Variants in EDARADD observed in about 807,000 individuals in gnomAD.
EDARADD encodes the protein ectodysplasin-A receptor-associated adapter protein.
Under a neutral mutation model 25.6 loss-of-function variants are expected in EDARADD, and 20 were observed. That is an observed-to-expected ratio of 0.78 (90% CI 0.55 to 1.14). The LOEUF is 1.14. Ranked by LOEUF, EDARADD falls within the 50% of genes most tolerant of loss-of-function variation. The pLI, the probability that EDARADD is intolerant of heterozygous loss-of-function variation, is 0.00. For synonymous variants in EDARADD, 86 were observed against 94.4 expected (o/e 0.91, Z 0.52); for missense variants, 225 against 270.1 (o/e 0.83, Z 1.17).
intron 3 of EDARADD, among the ~76,000 whole-genome samples, chr1:236,384,638 C>T (rs906618083): frequency 6.6e-6 from 1 of 152,136 alleles, no homozygotes; most frequent in South Asian, 2.1e-4. Flanking sequence ...GATCCTCCCA[C>T]CTCAGCCTCC....
intron 1 of EDARADD, among the ~76,000 whole-genome samples, chr1:236,405,815 TCCTTCC>T (rs1667710892): frequency 7.2e-6 from 1 of 138,602 alleles, no homozygotes; most frequent in African/African-American, 3.0e-5. Context: ...TTTCTTTCCT[TCCTTCC>T]TTTCCTTCCT....
intron 4 of EDARADD, among the ~76,000 whole-genome samples, chr1:236,443,488 A>G (rs1468353645): frequency 3.3e-5 from 5 of 152,220 alleles, no homozygotes; most frequent in Admixed American, 6.5e-5. Context: ...GTTGATTCCA[A>G]CGCTCATGGA....
Position 236,398,091 on chromosome 1 carries a change from CA to C in EDARADD, c.61+3590del, listed in dbSNP as rs1667551501. ...TCTTGCCTTCTGGTAACCTATTCTGCAAAAGGTTGCCAGGGCCATCTTTTAT... is the reference window on the plus strand; with the variant it reads ...TCTTGCCTTCTGGTAACCTATTCTGCAAAGGTTGCCAGGGCCATCTTTTAT... On this transcript the variant is annotated intron_variant, in intron 1 of 5. Coordinates refer to ENST00000334232, the MANE Select transcript of EDARADD (RefSeq NM_145861.4). This position sits in a 1 kb window ranked among gnomAD's most constrained non-coding sequence, Gnocchi z 4.1. Among the ~76,000 whole-genome samples the C allele has an allele frequency of 6.6e-6, 1 of 152,126 alleles. No individual in the cohort carries two copies. Among genetic ancestry groups the C allele is most frequent in the Non-Finnish European group, 1.5e-5 (1 of 68,030 alleles).
intron 4 of EDARADD, among the ~76,000 whole-genome samples, chr1:236,437,266 C>T (rs567913010): frequency 4.1e-4 from 62 of 152,110 alleles, no homozygotes; most frequent in African/African-American, 1.4e-3. Flanking sequence ...TTTTTCCCAC[C>T]CCTGGGGCAT....
At chr1:236,434,034 GT>G (rs1045673475) in intron 4 of EDARADD, among the ~76,000 whole-genome samples, 6 of 152,144 alleles carry the variant, frequency 3.9e-5, no homozygotes, top group African/African-American at 1.4e-4. Flanking sequence ...TGATGTCATG[GT>G]CAATGGCAGC....
At chr1:236,352,274 C>T (rs189794576) in intron 3 of EDARADD, among the ~76,000 whole-genome samples, 2 of 152,292 alleles carry the variant, frequency 1.3e-5, no homozygotes, top group Admixed American at 6.5e-5. Flanking sequence ...CTCTGTCTCT[C>T]CTGATTTCTT....
chr1:236,429,792 G>A (rs927956377), intron 4 of EDARADD, among the ~76,000 whole-genome samples: 3 of 152,098 alleles, frequency 2.0e-5, no homozygotes, highest in African/African-American at 7.2e-5. Flanking sequence ...TCTTTCTGGG[G>A]ACTTCCTTGG....
At chr1:236,385,184 A>G (rs532776043) in intron 3 of EDARADD, among the ~76,000 whole-genome samples, 1 of 148,226 alleles carries the variant, frequency 6.7e-6, no homozygotes, top group South Asian at 2.1e-4. Context: ...CGAGGTGGGC[A>G]GATCACAAGG....
intron 4 of EDARADD, among the ~76,000 whole-genome samples, chr1:236,456,635 T>C (rs753344201): frequency 1.3e-5 from 2 of 151,954 alleles, no homozygotes; most frequent in East Asian, 1.9e-4. Flanking sequence ...TGGCCACGCC[T>C]CAGATCATGT....
chr1:236,416,998 C>T (rs542020772), intron 3 of EDARADD, among the ~76,000 whole-genome samples: 4 of 152,086 alleles, frequency 2.6e-5, no homozygotes, highest in Non-Finnish European at 5.9e-5. Flanking sequence ...CCTGTAATCC[C>T]AGCTACCAGG....
intron 5 of EDARADD, among the ~76,000 whole-genome samples, chr1:236,477,866 G>T (rs1333088429): frequency 6.6e-6 from 1 of 152,150 alleles, no homozygotes; most frequent in Non-Finnish European, 1.5e-5. Context: ...ACATTGGGAG[G>T]CTGAGGCGGG....
At chr1:236,421,489 C>CTTTTTTTTTT (rs34922732) in intron 3 of EDARADD, among the ~76,000 whole-genome samples, 1 of 75,430 alleles carries the variant, frequency 1.3e-5, no homozygotes, top group Non-Finnish European at 2.8e-5. Context: ...CTTCCCAGTT[C>CTTTTTTTTTT]TTTTTTTTTT....
intron 3 of EDARADD, among the ~76,000 whole-genome samples, chr1:236,426,431 A>C (rs1179777515): frequency 6.6e-6 from 1 of 152,200 alleles, no homozygotes; most frequent in African/African-American, 2.4e-5. Flanking sequence ...ACTGCCCATC[A>C]CACAGAGCCA....
In EDARADD at chr1:236,483,580, G is replaced by A; in HGVS notation, c.*931G>A. 1 of 1,415,750 alleles carries A rather than the reference G, an allele frequency of 7.1e-7. No homozygotes were observed. 87.7% of individuals were successfully genotyped at this position (1,415,750 alleles called of 1,614,324 possible). A position where few individuals can be genotyped will look rare whatever the true frequency, so the allele number is the denominator to read the frequency against. On this transcript the variant is annotated 3_prime_UTR_variant, in exon 6 of 6. Coordinates refer to ENST00000334232, the MANE Select transcript of EDARADD (RefSeq NM_145861.4). ...TACCACCACATCGCCGACTTGTCTG[G>A]CAACTCCAAAGTCATCTTGCCAGTC...
chr1:236,366,741 C>CTCTCTTTTTT (rs146073425), intron 3 of EDARADD, among the ~76,000 whole-genome samples: 1 of 144,214 alleles, frequency 6.9e-6, no homozygotes, highest in Non-Finnish European at 1.5e-5. Context: ...TCATCTCTCT[C>CTCTCTTTTTT]TTTTTTTTGT....
intron 4 of EDARADD, among the ~76,000 whole-genome samples, chr1:236,442,723 C>T (rs1162687367): frequency 6.6e-6 from 1 of 152,180 alleles, no homozygotes; most frequent in African/African-American, 2.4e-5. Context: ...ACCTAGTGCT[C>T]AATAAAAAAG....
intron 4 of EDARADD, among the ~76,000 whole-genome samples, chr1:236,461,434 C>A (rs1460473174): frequency 6.6e-6 from 1 of 152,164 alleles, no homozygotes; most frequent in Non-Finnish European, 1.5e-5. Flanking sequence ...ATGCTCTTGG[C>A]ACCTTCGTCA....
chr1:236,355,500 C>CTTTTTTTT lies in EDARADD; in HGVS notation c.-6+4680_-6+4687dup, dbSNP rs563976436. Among the ~76,000 whole-genome samples the CTTTTTTTT allele has an allele frequency of 8.1e-4, 59 of 73,166 alleles. 4 individuals carry two copies. Among genetic ancestry groups the CTTTTTTTT allele is most frequent in the South Asian group, 3.6e-3 (5 of 1,398 alleles). The allele number at this position is 73,166 out of a possible 152,430, so 48.0% of individuals were successfully genotyped here. A position where few individuals can be genotyped will look rare whatever the true frequency, so the allele number is the denominator to read the frequency against. ...CACTCATTCTCTTCTGCTTCTTCTT[C>CTTTTTTTT]TTTTTTTTTTTTTTTTTTTTTTTTT... On this transcript the variant is annotated intron_variant, in intron 3 of 7. Transcript: ENST00000439430.
rs113711354 is a variant in EDARADD at position 236,376,563 on chromosome 1, A to C, written c.-6+25724A>C. Reference sequence around the variant, plus strand: ...TCTTACTTTTGGTCCTCTGTAAATAAGGTGTTTTTTCTCTCTGTCTTTTTT... The same window carrying C: ...TCTTACTTTTGGTCCTCTGTAAATACGGTGTTTTTTCTCTCTGTCTTTTTT... On this transcript the variant is annotated intron_variant, in intron 3 of 7. Transcript: ENST00000439430. 7.4e-4 allele frequency among the ~76,000 whole-genome samples: 113 copies of C among 152,268 alleles called. 2 individuals carry two copies. The highest frequency in any genetic ancestry group is 2.6e-3 in the African/African-American group (108 of 41,556).
Sources: allele counts gnomAD v4.1 joint callset (sites outside exome capture counted in the v4.1 genomes callset), GRCh38; gene constraint gnomAD v4.1.1; non-coding constraint Gnocchi (gnomAD v3.1); transcripts MANE v1.5; gene names NCBI Gene and HGNC (gene_info 2026-07-23, HGNC 2026-07-21).